The following GLS variants were observed in gnomAD, a reference collection of about 807,000 sequenced individuals.
GLS encodes the protein glutaminase kidney isoform, mitochondrial.
GLS carries 36 observed loss-of-function variants against 86.7 expected under a neutral mutation model. The ratio of observed to expected loss-of-function variants is 0.42; its 90% confidence interval spans 0.32 to 0.55. The LOEUF is 0.55. GLS is among the 20% of genes least tolerant of loss of function. The pLI, the probability that GLS is intolerant of heterozygous loss-of-function variation, is 0.17. For missense variants in GLS, 528 were observed against 833.4 expected, an observed-to-expected ratio of 0.63 and a Z score of 4.51; for synonymous variants, 317 against 305.9, an observed-to-expected ratio of 1.04 and a Z score of -0.38.
rs1421290901 is a variant in GLS at position 190,963,897 on chromosome 2, TAAG to T, written c.*915_*917del. On this transcript the variant is annotated 3_prime_UTR_variant, in exon 18 of 18. Coordinates refer to ENST00000320717, the MANE Select transcript of GLS (RefSeq NM_014905.5). Reference sequence around the variant, plus strand: ...GAAGGGATGTGCAACTGCAGCTCTTTAAGAAGTTTTTTTTTTTTAGCTTCTAGG... The same window carrying T: ...GAAGGGATGTGCAACTGCAGCTCTTTAAGTTTTTTTTTTTTAGCTTCTAGG... 2.6e-5 allele frequency: 4 copies of T among 151,898 alleles called. No individual in the cohort carries two copies. In the East Asian group the frequency reaches 5.8e-4, roughly 22 times the overall value. The allele number at this position is 151,898 out of a possible 1,614,324, so 9.4% of individuals were successfully genotyped here.
chr2:190,959,132 G>A (rs1303994918), intron 17 of GLS, among the ~76,000 whole-genome samples: 2 of 152,018 alleles, frequency 1.3e-5, no homozygotes, highest in South Asian at 4.1e-4. Context: ...ATTTAGGATA[G>A]TTAGCTCTTC....
chr2:190,928,892 GTTTTTTTTTTT>G (rs367999647), intron 12 of GLS, among the ~76,000 whole-genome samples: 3 of 12,822 alleles, frequency 2.3e-4, no homozygotes, highest in Admixed American at 1.3e-3. Context: ...ATTCAGGTGT[GTTTTTTTTTTT>G]TTTTTTTTTT....
chr2:190,901,103 A>T (rs1350604992), intron 4 of GLS, among the ~76,000 whole-genome samples: 1 of 152,082 alleles, frequency 6.6e-6, no homozygotes, highest in East Asian at 1.9e-4. Flanking sequence ...AACTTTGGGT[A>T]GCTTTAGTAT....
chr2:190,942,515 G>C (rs1456611483), intron 14 of GLS, among the ~76,000 whole-genome samples: 5 of 152,194 alleles, frequency 3.3e-5, no homozygotes, highest in Non-Finnish European at 7.3e-5. Context: ...AGAGGTGAGA[G>C]AAATAGGTAA....
Position 190,905,772 on chromosome 2 carries a change from C to A in GLS, c.979+605C>A, listed in dbSNP as rs1192860045. Among the ~76,000 whole-genome samples, 1 of 152,084 alleles carries A rather than the reference C, an allele frequency of 6.6e-6. No homozygotes were observed. Among genetic ancestry groups the A allele is most frequent in the Non-Finnish European group, 1.5e-5 (1 of 67,966 alleles). ...GTTTGATCTGATAGAGATTTTAAGT[C>A]TAAACATCATTTAGCTGAGTGCAAA... On this transcript the variant is annotated intron_variant, in intron 6 of 17. Transcript: ENST00000320717. This position sits in a 1 kb window ranked among gnomAD's most constrained non-coding sequence, Gnocchi z 4.6.
intron 5 of GLS, 82 bp downstream of exon 5, chr2:190,902,108 C>A (rs577833151): frequency 2.3e-5 from 18 of 778,544 alleles, no homozygotes. Context: ...AGAAGATCAT[C>A]TTTTATAATG....
At chr2:190,922,963 A>G (rs756217853) in intron 9 of GLS, among the ~76,000 whole-genome samples, 1 of 152,138 alleles carries the variant, frequency 6.6e-6, no homozygotes, top group Non-Finnish European at 1.5e-5. Flanking sequence ...CTCTCAGGCT[A>G]TGTTAGAAAT....
Position 190,913,054 on chromosome 2 carries a change from C to A in GLS, c.1038+2733C>A, listed in dbSNP as rs201196449. 1.6e-6 allele frequency: 1 copy of A among 607,980 alleles called. No homozygotes were observed. The highest frequency in any genetic ancestry group is 2.5e-6 in the Non-Finnish European group (1 of 399,744). The allele number at this position is 607,980 out of a possible 1,614,324, so 37.7% of individuals were successfully genotyped here. A position where few individuals can be genotyped will look rare whatever the true frequency, so the allele number is the denominator to read the frequency against. ...AAGGCTATTTGTGATTTTTTTTTTT[C>A]TTTCAAAATTCAGGAATTTATCATG... On this transcript the variant is annotated intron_variant, in intron 7 of 17. Transcript: ENST00000320717. This position sits in a 1 kb window ranked among gnomAD's most constrained non-coding sequence, Gnocchi z 6.1.
At chr2:190,923,459 C>G (rs1047920176) in intron 9 of GLS, among the ~76,000 whole-genome samples, 2 of 152,170 alleles carry the variant, frequency 1.3e-5, no homozygotes, top group South Asian at 4.1e-4. Flanking sequence ...ACCCTGAAAT[C>G]TATTAGTCCA....
chr2:190,908,042 T>C (rs931857905), intron 6 of GLS, among the ~76,000 whole-genome samples: 4 of 152,286 alleles, frequency 2.6e-5, no homozygotes, highest in African/African-American at 9.6e-5. Context: ...GGGAAGAATG[T>C]GAGAGGGCAC....
intron 14 of GLS, among the ~76,000 whole-genome samples, chr2:190,939,114 C>G (rs1321740801): frequency 1.3e-5 from 2 of 151,580 alleles, no homozygotes; most frequent in African/African-American, 2.4e-5. Context: ...GGAAAACATG[C>G]AAAATATCTA....
In GLS at chr2:190,964,794, A is replaced by G. The variant is rs922782733; in HGVS notation, c.*1808A>G. 1 of 152,226 alleles carries G rather than the reference A, an allele frequency of 6.6e-6. No homozygotes were observed. Among genetic ancestry groups the G allele is most frequent in the African/African-American group, 2.4e-5 (1 of 41,464 alleles). 9.4% of individuals were successfully genotyped at this position (152,226 alleles called of 1,614,324 possible). ...GGTAGACACGTTTTAACTGAAATCA[A>G]TCAAGATAACTTTATTCAAAGAGCA... On this transcript the variant is annotated 3_prime_UTR_variant, in exon 18 of 18. Coordinates refer to ENST00000320717, the MANE Select transcript of GLS (RefSeq NM_014905.5). The surrounding 1 kb of genome is among the most constrained non-coding windows in gnomAD (Gnocchi z 5.2).
chr2:190,929,852 A>G (rs933113125), intron 12 of GLS, among the ~76,000 whole-genome samples: 2 of 150,752 alleles, frequency 1.3e-5, no homozygotes, highest in Non-Finnish European at 3.0e-5. Flanking sequence ...GTATATATAT[A>G]TATTTTTTTT....
intron 7 of GLS, among the ~76,000 whole-genome samples, chr2:190,919,131 G>C (rs1403703092): frequency 4.6e-5 from 7 of 152,082 alleles, no homozygotes; most frequent in African/African-American, 1.7e-4. Flanking sequence ...CTTAAAAAAT[G>C]CACTATCTGT....
chr2:190,921,076 C>A lies in GLS; in HGVS notation c.1071+20C>A. The A allele has an allele frequency of 6.3e-7, 1 of 1,581,226 alleles. No homozygotes were observed. Among genetic ancestry groups the A allele is most frequent in the Non-Finnish European group, 8.7e-7 (1 of 1,150,900 alleles). On this transcript the variant is annotated intron_variant, in intron 8 of 17. Coordinates refer to ENST00000320717, the MANE Select transcript of GLS (RefSeq NM_014905.5). This position sits in a 1 kb window ranked among gnomAD's most constrained non-coding sequence, Gnocchi z 4.2. Reference sequence around the variant, plus strand: ...GACTATGTAAGTGCAACATGTCATTCAGTTTTCATGCCACATTCTCTATAT... The same window carrying A: ...GACTATGTAAGTGCAACATGTCATTAAGTTTTCATGCCACATTCTCTATAT...
chr2:190,912,976 A>G (rs1689413442), intron 7 of GLS, among the ~76,000 whole-genome samples: 1 of 152,090 alleles, frequency 6.6e-6, no homozygotes, highest in South Asian at 2.1e-4. Context: ...CGGATATTTC[A>G]CCATGGCTAC....
In GLS at chr2:190,910,122, TATAAAGATAAAA is replaced by T. The variant is rs1689306518; in HGVS notation, c.980-134_980-123del. 9.0e-6 allele frequency: 5 copies of T among 555,810 alleles called. No homozygotes were observed. In the East Asian group the frequency reaches 1.6e-4, roughly 18 times the overall value. 34.4% of individuals were successfully genotyped at this position (555,810 alleles called of 1,614,324 possible). A position where few individuals can be genotyped will look rare whatever the true frequency, so the allele number is the denominator to read the frequency against. On this transcript the variant is annotated intron_variant, in intron 6 of 17. Transcript: ENST00000320717. ...AAATCCTTCTGTGTATGTGCTTGTA[TATAAAGATAAAA>T]ATAAAGCACTAAGAAAAAAGCAAAA...
At position 190,951,677 on chromosome 2, in the gene GLS, T is replaced by G. The variant is rs188566382; in HGVS notation, c.1651-1888T>G. ...GGGGTCTCCACTGGTATTAAAGGCC[T>G]GAAGAAAGTATGGCGGGAACCAACA... On this transcript the variant is annotated intron_variant, in intron 14 of 17. Transcript: ENST00000320717. The surrounding 1 kb of genome is among the most constrained non-coding windows in gnomAD (Gnocchi z 4.2). Among the ~76,000 whole-genome samples, 25 of 152,124 alleles carry G rather than the reference T, an allele frequency of 1.6e-4. No individual in the cohort carries two copies. In the East Asian group the frequency reaches 4.5e-3, roughly 27 times the overall value.
intron 1 of GLS, among the ~76,000 whole-genome samples, chr2:190,893,344 CCT>C (rs145749226): frequency 8.1e-4 from 123 of 152,248 alleles, no homozygotes; most frequent in African/African-American, 2.6e-3. Flanking sequence ...AGCTTCTTAA[CCT>C]CTGAGCCTCT....
Sources: gnomAD v4.1 joint callset for allele counts (sites outside exome capture counted in the v4.1 genomes callset) on GRCh38, gnomAD v4.1.1 for gene constraint, Gnocchi (gnomAD v3.1) non-coding constraint, MANE v1.5 for transcripts, NCBI Gene and HGNC (gene_info 2026-07-23, HGNC 2026-07-21) for gene names.